The following RPS6KA5 variants were observed in gnomAD, a reference collection of about 807,000 sequenced individuals.
The protein encoded by RPS6KA5 is ribosomal protein S6 kinase alpha-5.
Under a neutral mutation model 85.5 loss-of-function variants are expected in RPS6KA5, and 27 were observed. That is an observed-to-expected ratio of 0.32 (90% confidence interval 0.23 to 0.44). The LOEUF is 0.44. Among genes scored for constraint, RPS6KA5 ranks in the 20% least tolerant of loss-of-function variants. RPS6KA5 has a pLI of 1.00. For synonymous variants in RPS6KA5, 334 were observed against 348.2 expected (o/e 0.96, Z 0.46); for missense variants, 811 against 980.9 (o/e 0.83, Z 2.31).
intron 2 of RPS6KA5, among the ~76,000 whole-genome samples, chr14:90,979,891 G>A (rs114821252): frequency 1.1e-3 from 172 of 152,318 alleles, no homozygotes; most frequent in African/African-American, 3.9e-3. Flanking sequence ...CAAGGAGTGT[G>A]ACTCCAGGGA....
intron 5 of RPS6KA5, among the ~76,000 whole-genome samples, chr14:90,932,335 A>G (rs55869507): frequency 0.075 from 11,446 of 151,958 alleles, 488 homozygotes; most frequent in East Asian, 0.16. Flanking sequence ...GTTGCCCAAC[A>G]CTGTTCCCCA....
At position 91,060,471 on chromosome 14, in the gene RPS6KA5, G is replaced by C; in HGVS notation, c.-37C>G. On this transcript the variant is annotated 5_prime_UTR_variant, in exon 1 of 17. Transcript: ENST00000614987. ...TTTCCGATCCCGCGGGTCGCTACGA[G>C]GGGAACCCAGGAGACAGCGGACGCC... is the stretch of plus-strand genomic sequence containing the variant. The C allele has an allele frequency of 3.6e-6, 5 of 1,379,338 alleles. No individual in the cohort carries two copies. The highest frequency in any genetic ancestry group is 2.9e-5 in the East Asian group (1 of 34,178). The allele number at this position is 1,379,338 out of a possible 1,614,324, so 85.4% of individuals were successfully genotyped here.
intron 1 of RPS6KA5, among the ~76,000 whole-genome samples, chr14:91,011,961 T>C (rs917870485): frequency 2.0e-5 from 3 of 152,236 alleles, no homozygotes; most frequent in Non-Finnish European, 4.4e-5. Context: ...ACAGAAAGGA[T>C]AGAAACGTAT....
intron 5 of RPS6KA5, among the ~76,000 whole-genome samples, chr14:90,927,010 A>G (rs1323997538): frequency 6.6e-6 from 1 of 152,166 alleles, no homozygotes; most frequent in Non-Finnish European, 1.5e-5. Flanking sequence ...AGGTAGGACT[A>G]AAATACTAAA....
rs57029403 is a variant in RPS6KA5 at position 90,912,904 on chromosome 14, C to CTTTTTTTT, written c.807-6613_807-6606dup. Among the ~76,000 whole-genome samples, 54 of 53,298 alleles carry CTTTTTTTT rather than the reference C, an allele frequency of 1.0e-3. 4 individuals are homozygous for CTTTTTTTT. Among genetic ancestry groups the CTTTTTTTT allele is most frequent in the African/African-American group, 3.2e-3 (40 of 12,610 alleles). 35.0% of individuals were successfully genotyped at this position (53,298 alleles called of 152,430 possible). On this transcript the variant is annotated intron_variant, in intron 7 of 16. Coordinates refer to ENST00000614987, the MANE Select transcript of RPS6KA5 (RefSeq NM_004755.4). Reference sequence around the variant, plus strand: ...TCTTCTTCACTGTCACATAAAGCATCTTTTTTTTTTTTTTTTTTTTTTTTT... The same window carrying CTTTTTTTT: ...TCTTCTTCACTGTCACATAAAGCATCTTTTTTTTTTTTTTTTTTTTTTTTTTTTTTTTT...
At chr14:91,060,266 G>C in intron 1 of RPS6KA5, 66 bp downstream of exon 1, 15 of 1,042,346 alleles carry the variant, frequency 1.4e-5, no homozygotes, top group Non-Finnish European at 1.7e-5. Flanking sequence ...GCCCCGCGCG[G>C]GCACCCGCGT....
In RPS6KA5 at chr14:90,859,660, G is replaced by A. The variant is rs2032448033; in HGVS notation, c.*12414C>T. On this transcript the variant is annotated 3_prime_UTR_variant, in exon 17 of 17. Coordinates refer to ENST00000614987, the MANE Select transcript of RPS6KA5 (RefSeq NM_004755.4). ...GGAGAAATTAAGATGGCAAACAAAGGACTATAACAGACATATGGAACATAG... is the reference window on the plus strand; with the variant it reads ...GGAGAAATTAAGATGGCAAACAAAGAACTATAACAGACATATGGAACATAG... 1 of 152,034 alleles carries A rather than the reference G, an allele frequency of 6.6e-6. No homozygotes were observed. 9.4% of individuals were successfully genotyped at this position (152,034 alleles called of 1,614,324 possible). A position where few individuals can be genotyped will look rare whatever the true frequency, so the allele number is the denominator to read the frequency against.
intron 7 of RPS6KA5, among the ~76,000 whole-genome samples, chr14:90,907,762 T>C (rs2035592149): frequency 6.6e-6 from 1 of 152,184 alleles, no homozygotes. Context: ...TACTCTCCCA[T>C]TGCTCACTGC....
chr14:90,937,627 A>G (rs2037336140), intron 5 of RPS6KA5, among the ~76,000 whole-genome samples: 2 of 152,210 alleles, frequency 1.3e-5, no homozygotes, highest in African/African-American at 2.4e-5. Context: ...ATGGGCTCAC[A>G]GTTCCACGTG....
intron 1 of RPS6KA5, among the ~76,000 whole-genome samples, chr14:91,018,473 G>A (rs759513349): frequency 1.3e-5 from 2 of 152,198 alleles, no homozygotes; most frequent in Non-Finnish European, 2.9e-5. Flanking sequence ...CAATGTGGGT[G>A]GGCACCACCA....
intron 1 of RPS6KA5, among the ~76,000 whole-genome samples, chr14:91,020,290 T>G (rs899597053): frequency 1.6e-4 from 24 of 151,538 alleles, no homozygotes; most frequent in African/African-American, 5.6e-4. Flanking sequence ...ATTTAAAATA[T>G]TCAAAAAAAG....
chr14:90,909,525 T>C (rs1455577578), intron 7 of RPS6KA5, among the ~76,000 whole-genome samples: 1 of 152,134 alleles, frequency 6.6e-6, no homozygotes, highest in East Asian at 1.9e-4. Context: ...AAAGACTCCT[T>C]TCAAAAAAGC....
chr14:90,923,341 G>A (rs1161768797), intron 5 of RPS6KA5, 145 bp from the exon 6 acceptor site: 2 of 647,164 alleles, frequency 3.1e-6, no homozygotes, highest in Admixed American at 4.7e-5. Flanking sequence ...CTCTTCACTG[G>A]AACAGACCAC....
At chr14:90,944,574 G>A (rs1595289850) in intron 4 of RPS6KA5, among the ~76,000 whole-genome samples, 1 of 152,244 alleles carries the variant, frequency 6.6e-6, no homozygotes, top group East Asian at 1.9e-4. Context: ...TGACCAACAT[G>A]GAGAAACCCC....
chr14:91,001,951 A>T (rs916096202), intron 1 of RPS6KA5, among the ~76,000 whole-genome samples: 9 of 152,164 alleles, frequency 5.9e-5, no homozygotes, highest in African/African-American at 2.2e-4. Flanking sequence ...TTTACTGCTG[A>T]ACCTTACAGA....
intron 8 of RPS6KA5, 46 bp from the exon 9 acceptor site, chr14:90,903,015 T>C: frequency 2.6e-6 from 4 of 1,524,434 alleles, no homozygotes; most frequent in Non-Finnish European, 3.6e-6. Context: ...ATAGTCAAAA[T>C]GTACTTTCTA....
chr14:91,023,016 C>T (rs1240976851), intron 1 of RPS6KA5, among the ~76,000 whole-genome samples: 9 of 133,898 alleles, frequency 6.7e-5, no homozygotes, highest in African/African-American at 2.5e-4. Flanking sequence ...ACCGAGGAGG[C>T]GGAGGTTGTA....
Position 90,890,919 on chromosome 14 carries a change from G to A in RPS6KA5, c.1645-241C>T, listed in dbSNP as rs957562633. Among the ~76,000 whole-genome samples the A allele has an allele frequency of 2.0e-5, 3 of 151,914 alleles. No individual in the cohort carries two copies. The South Asian group carries it at 6.2e-4, about 32-fold the overall frequency. On this transcript the variant is annotated intron_variant, in intron 13 of 16. Transcript: ENST00000614987. ...CTGCACCATGCCTCTTCTGATGTCA[G>A]ACCCTTTTTCTAAGCTTTTCCCTCT...
intron 1 of RPS6KA5, among the ~76,000 whole-genome samples, chr14:91,016,422 C>T (rs1595478204): frequency 6.6e-6 from 1 of 152,128 alleles, no homozygotes; most frequent in South Asian, 2.1e-4. Flanking sequence ...TATTCATAAT[C>T]TTTTTGCTTA....
Sources: gnomAD v4.1 joint callset for allele counts (sites outside exome capture counted in the v4.1 genomes callset) on GRCh38, gnomAD v4.1.1 for gene constraint, MANE v1.5 for transcripts, NCBI Gene and HGNC (gene_info 2026-07-23, HGNC 2026-07-21) for gene names.